Variants in PIK3C2G observed in about 807,000 individuals in gnomAD.
The protein encoded by PIK3C2G is phosphatidylinositol-4-phosphate 3-kinase catalytic subunit type 2 gamma, also known as phosphatidylinositol 3-kinase C2 domain-containing subunit gamma.
Under a neutral mutation model 181.1 loss-of-function variants are expected in PIK3C2G, and 168 were observed. That is an observed-to-expected ratio of 0.93 (90% CI 0.82 to 1.05). The LOEUF (loss-of-function observed/expected upper bound fraction) is 1.05. PIK3C2G is among the 50% of genes least tolerant of loss of function. The pLI, the probability that PIK3C2G is intolerant of heterozygous loss-of-function variation, is 0.00. For synonymous variants in PIK3C2G, 573 were observed against 592.2 expected (o/e 0.97, Z 0.47); for missense variants, 1,869 against 1,732.8 (o/e 1.08, Z -1.40).
intron 18 of PIK3C2G, among the ~76,000 whole-genome samples, chr12:18,469,523 T>C (rs1335291743): frequency 2.0e-5 from 3 of 152,120 alleles, no homozygotes; most frequent in South Asian, 2.1e-4. Flanking sequence ...ATTTTTCAAA[T>C]TGTAGTTGAA....
intron 28 of PIK3C2G, among the ~76,000 whole-genome samples, chr12:18,566,317 T>C (rs1476962475): frequency 1.3e-5 from 2 of 152,130 alleles, no homozygotes; most frequent in African/African-American, 4.8e-5. Flanking sequence ...GGCTGCTAGG[T>C]AGTTCCTAAA....
At chr12:18,637,400 A>AAT (rs1555159332) in intron 31 of PIK3C2G, among the ~76,000 whole-genome samples, 1 of 146,798 alleles carries the variant, frequency 6.8e-6, no homozygotes. Flanking sequence ...TGACCTAGAT[A>AAT]TTTTTTTTTT....
intron 11 of PIK3C2G, among the ~76,000 whole-genome samples, chr12:18,355,995 G>A (rs746532469): frequency 2.6e-5 from 4 of 152,172 alleles, no homozygotes; most frequent in Admixed American, 6.5e-5. Flanking sequence ...TTGGGGAACA[G>A]GTCCAGTCTT....
At chr12:18,487,021 T>C (rs1940104607) in intron 18 of PIK3C2G, among the ~76,000 whole-genome samples, 1 of 151,978 alleles carries the variant, frequency 6.6e-6, no homozygotes, top group African/African-American at 2.4e-5. Flanking sequence ...ACTGCTACTC[T>C]TCTTAAAATG....
At chr12:18,704,561 AG>A in the PIK3C2G span, among the ~76,000 whole-genome samples, 1 of 152,054 alleles carries the variant, frequency 6.6e-6, no homozygotes, top group African/African-American at 2.4e-5. Flanking sequence ...TCCTAACCTC[AG>A]GGGATCCGCC....
Position 18,391,238 on chromosome 12 carries a change from A to G in PIK3C2G, c.2112A>G (p.Lys704=). The G allele has an allele frequency of 6.3e-7, 1 of 1,590,264 alleles. No individual in the cohort carries two copies. The highest frequency in any genetic ancestry group is 8.6e-7 in the Non-Finnish European group (1 of 1,168,974). ...AACATATTGCCAGACTTTCACAGAA[A>G]CAGACTCCCCTACTGTAAGTGACCT... ...CIKHIARLSQ[K]QTPLLLSEEK... The change falls in exon 15 of 33, where the codon AAA becomes AAG. Residue 704 remains lysine, a synonymous_variant. Transcript: ENST00000538779.
the PIK3C2G span, chr12:18,713,042 C>T: frequency 3.1e-6 from 5 of 1,591,028 alleles, no homozygotes; most frequent in South Asian, 4.4e-5. Context: ...AAATATATAC[C>T]AAAGTATTAA....
the PIK3C2G span, among the ~76,000 whole-genome samples, chr12:18,673,885 C>T: frequency 6.6e-6 from 1 of 152,200 alleles, no homozygotes; most frequent in Non-Finnish European, 1.5e-5. Flanking sequence ...ACCTCTTTCA[C>T]ATGGCAGCTT....
At chr12:18,439,540 CCATAATTTG>C (rs1439584941) in intron 18 of PIK3C2G, among the ~76,000 whole-genome samples, 1 of 151,982 alleles carries the variant, frequency 6.6e-6, no homozygotes, top group Non-Finnish European at 1.5e-5. Flanking sequence ...TCAGACCACT[CCATAATTTG>C]ACTTGCTTTC....
At chr12:18,549,231 TTTAA>T (rs1456239150) in intron 26 of PIK3C2G, among the ~76,000 whole-genome samples, 1 of 152,054 alleles carries the variant, frequency 6.6e-6, no homozygotes, top group African/African-American at 2.4e-5. Context: ...TGTATATCAG[TTTAA>T]TTAATATATT....
chr12:18,648,057 T>C lies in PIK3C2G; in HGVS notation c.*29T>C, dbSNP rs1950246141. 2 of 1,392,714 alleles carry C rather than the reference T, an allele frequency of 1.4e-6. No homozygotes were observed. Among genetic ancestry groups the C allele is most frequent in the Non-Finnish European group, 1.9e-6 (2 of 1,044,130 alleles). The allele number at this position is 1,392,714 out of a possible 1,614,324, so 86.3% of individuals were successfully genotyped here. ...TTGCTATGAACATATGCATTATTCA[T>C]TAACTACTTGTATTTTTTTCACTTC... On this transcript the variant is annotated 3_prime_UTR_variant, in exon 33 of 33. Coordinates refer to ENST00000538779, the MANE Select transcript of PIK3C2G (RefSeq NM_001288772.2).
intron 31 of PIK3C2G, among the ~76,000 whole-genome samples, chr12:18,638,161 G>T (rs367857879): frequency 6.6e-6 from 1 of 152,156 alleles, no homozygotes; most frequent in Admixed American, 6.5e-5. Context: ...AGCCAGCTGG[G>T]ATTTGAGTTT....
At chr12:18,299,969 T>TC in intron 5 of PIK3C2G, among the ~76,000 whole-genome samples, 1 of 152,078 alleles carries the variant, frequency 6.6e-6, no homozygotes, top group East Asian at 1.9e-4. Context: ...ATGTTCATTA[T>TC]CAGGACATTA....
At chr12:18,283,779 A>G (rs1179750936) in intron 2 of PIK3C2G, among the ~76,000 whole-genome samples, 1 of 152,130 alleles carries the variant, frequency 6.6e-6, no homozygotes, top group African/African-American at 2.4e-5. Context: ...CAATAGTGTA[A>G]TAACTACTAA....
At chr12:18,462,104 G>A (rs957157153) in intron 18 of PIK3C2G, among the ~76,000 whole-genome samples, 9 of 152,092 alleles carry the variant, frequency 5.9e-5, no homozygotes, top group African/African-American at 2.2e-4. Flanking sequence ...CTCCTTTATC[G>A]TGTAAGTAAC....
intron 26 of PIK3C2G, among the ~76,000 whole-genome samples, chr12:18,555,211 ATC>A (rs1944942692): frequency 2.6e-5 from 4 of 152,190 alleles, no homozygotes; most frequent in Non-Finnish European, 5.9e-5. Context: ...TGTCATAGAA[ATC>A]TCCATCAGGT....
the PIK3C2G span, chr12:18,683,056 G>T: frequency 3.2e-6 from 2 of 624,014 alleles, no homozygotes; most frequent in Non-Finnish European, 5.6e-6. Flanking sequence ...AGGACCCTCT[G>T]AAGTTTCTAT....
At chr12:18,437,459 C>T (rs1418925208) in intron 18 of PIK3C2G, among the ~76,000 whole-genome samples, 1 of 151,950 alleles carries the variant, frequency 6.6e-6, no homozygotes, top group African/African-American at 2.4e-5. Context: ...GAAAAATGAA[C>T]AGCTTCCACA....
At chr12:18,675,830 C>G in the PIK3C2G span, among the ~76,000 whole-genome samples, 516 of 149,176 alleles carry the variant, frequency 3.5e-3, no homozygotes, top group African/African-American at 0.012. Context: ...TACAAATGAA[C>G]AGATAGGTAA....
Sources: gnomAD v4.1 joint callset for allele counts (sites outside exome capture counted in the v4.1 genomes callset) on GRCh38, gnomAD v4.1.1 for gene constraint, MANE v1.5 for transcripts, NCBI Gene and HGNC (gene_info 2026-07-23, HGNC 2026-07-21) for gene names.